Variants in GAREM1 observed in about 807,000 individuals in gnomAD.
The protein encoded by GAREM1 is GRB2 associated regulator of MAPK1 subtype 1.
A neutral mutation model predicts 71.3 loss-of-function variants in GAREM1; 26 were observed. The observed-to-expected ratio is 0.36, with a 90% CI of 0.27 to 0.51. GAREM1 has a LOEUF of 0.51. GAREM1 is among the 20% of genes least tolerant of loss of function. GAREM1 has a pLI of 0.95. For missense variants in GAREM1, 1,026 were observed against 1,103.1 expected (o/e 0.93, Z 0.99); for synonymous variants, 440 against 433.2 (o/e 1.02, Z -0.20).
intron 2 of GAREM1, among the ~76,000 whole-genome samples, chr18:32,346,926 G>C (rs527433759): frequency 3.3e-5 from 5 of 152,048 alleles, no homozygotes; most frequent in Non-Finnish European, 7.4e-5. Context: ...AGAGGAGAGA[G>C]GAGACGCTGT....
chr18:32,464,092 A>C (rs984693532), intron 1 of GAREM1, among the ~76,000 whole-genome samples: 1 of 151,694 alleles, frequency 6.6e-6, no homozygotes, highest in African/African-American at 2.4e-5. Flanking sequence ...GGAGTTCAAG[A>C]CCAACCTGGC....
chr18:32,377,014 CTA>C (rs1413801978), intron 2 of GAREM1, among the ~76,000 whole-genome samples: 2 of 152,118 alleles, frequency 1.3e-5, no homozygotes, highest in African/African-American at 4.8e-5. Context: ...TGACAGATAT[CTA>C]TGAGATAAGT....
chr18:32,397,467 G>T (rs1187731543), intron 1 of GAREM1, among the ~76,000 whole-genome samples: 3 of 152,082 alleles, frequency 2.0e-5, no homozygotes, highest in Non-Finnish European at 4.4e-5. Context: ...GATCTACCAA[G>T]CAAATGGAAA....
At chr18:32,461,531 T>TA (rs1436395250) in intron 1 of GAREM1, among the ~76,000 whole-genome samples, 1 of 151,756 alleles carries the variant, frequency 6.6e-6, no homozygotes, top group African/African-American at 2.4e-5. Flanking sequence ...CCCATTTCCA[T>TA]AAAAAATACA....
intron 1 of GAREM1, among the ~76,000 whole-genome samples, chr18:32,460,067 A>G (rs1357848394): frequency 6.6e-6 from 1 of 150,924 alleles, no homozygotes; most frequent in East Asian, 1.9e-4. Flanking sequence ...GCAAATTTTC[A>G]TTTCTAACAT....
At chr18:32,442,748 G>A (rs2048750863) in intron 1 of GAREM1, among the ~76,000 whole-genome samples, 1 of 152,216 alleles carries the variant, frequency 6.6e-6, no homozygotes, top group East Asian at 1.9e-4. Flanking sequence ...CAGATAAGAG[G>A]CTGATGGGAA....
intron 4 of GAREM1, among the ~76,000 whole-genome samples, chr18:32,274,700 C>T (rs2041514190): frequency 6.6e-6 from 1 of 152,124 alleles, no homozygotes; most frequent in South Asian, 2.1e-4. Flanking sequence ...GCTTTCCTGC[C>T]CCTTTCTCTG....
chr18:32,455,650 C>T (rs986561662), intron 1 of GAREM1, among the ~76,000 whole-genome samples: 37 of 152,218 alleles, frequency 2.4e-4, no homozygotes, highest in African/African-American at 8.9e-4. Context: ...CAGAGACTCA[C>T]CAGGGTACAT....
intron 3 of GAREM1, among the ~76,000 whole-genome samples, 189 bp downstream of exon 3, chr18:32,310,004 G>A (rs953495506): frequency 1.3e-5 from 2 of 152,152 alleles, no homozygotes; most frequent in African/African-American, 2.4e-5. Flanking sequence ...AAAAGATAAT[G>A]CTAATAAATA....
At chr18:32,412,476 C>A in intron 1 of GAREM1, 1 of 1,593,634 alleles carries the variant, frequency 6.3e-7, no homozygotes, top group Non-Finnish European at 8.5e-7. Context: ...ATATCTACCA[C>A]CAGCACGGCT....
chr18:32,281,458 C>T (rs1275558267), intron 4 of GAREM1, among the ~76,000 whole-genome samples: 3 of 152,126 alleles, frequency 2.0e-5, no homozygotes, highest in East Asian at 1.9e-4. Flanking sequence ...ACAATGAATG[C>T]GTGTTACCAA....
chr18:32,349,864 G>A (rs1265645588), intron 2 of GAREM1, among the ~76,000 whole-genome samples: 2 of 152,196 alleles, frequency 1.3e-5, no homozygotes, highest in Admixed American at 6.5e-5. Context: ...ATCCAATCCT[G>A]AAACTTCAGT....
rs1461112738 is a variant in GAREM1 at position 32,264,487 on chromosome 18, T to C, written c.*3384A>G. ...TTCTCAGGGAGCTGTATGGATAACA[T>C]GCAGGTGGCTGTGGAATGTGAGCAG... On this transcript the variant is annotated 3_prime_UTR_variant, in exon 6 of 6. Transcript: ENST00000269209. 5 of 152,196 alleles carry C rather than the reference T, an allele frequency of 3.3e-5. No homozygotes were observed. In the East Asian group the frequency reaches 9.6e-4, roughly 29 times the overall value. The allele number at this position is 152,196 out of a possible 1,614,324, so 9.4% of individuals were successfully genotyped here.
chr18:32,364,016 ATATATATATATGTT>A lies in GAREM1; in HGVS notation c.262+28865_262+28878del, dbSNP rs1374214103. 9.4e-4 allele frequency among the ~76,000 whole-genome samples: 46 copies of A among 49,092 alleles called. 1 individual carries two copies. The highest frequency in any genetic ancestry group is 4.3e-3 in the African/African-American group (35 of 8,120). 32.2% of individuals were successfully genotyped at this position (49,092 alleles called of 152,430 possible). On this transcript the variant is annotated intron_variant, in intron 2 of 5. Coordinates refer to ENST00000269209, the MANE Select transcript of GAREM1 (RefSeq NM_001242409.2). ...TATACATATATATATATATATATAT[ATATATATATATGTT>A]TTTTTTTTTTTTTTTTTTTTGTGAG...
At chr18:32,268,864 C>A in intron 5 of GAREM1, 96 bp from the exon 6 acceptor site, 1 of 1,012,536 alleles carries the variant, frequency 9.9e-7, no homozygotes, top group Non-Finnish European at 1.4e-6. Context: ...AGTAGAAAAG[C>A]GCAGTTAGTT....
intron 3 of GAREM1, among the ~76,000 whole-genome samples, chr18:32,298,181 CAT>C (rs1196906576): frequency 6.6e-6 from 1 of 152,158 alleles, no homozygotes; most frequent in African/African-American, 2.4e-5. Context: ...AAATGTGTAA[CAT>C]ATGTGAGCAC....
intron 2 of GAREM1, among the ~76,000 whole-genome samples, chr18:32,343,121 C>T (rs564347563): frequency 6.6e-6 from 1 of 152,278 alleles, no homozygotes; most frequent in African/African-American, 2.4e-5. Flanking sequence ...AAACTTTAAA[C>T]AATTACTGTT....
chr18:32,377,141 A>G (rs370833174), intron 2 of GAREM1, among the ~76,000 whole-genome samples: 1 of 152,170 alleles, frequency 6.6e-6, no homozygotes, highest in Non-Finnish European at 1.5e-5. Context: ...TCCTCTTTAC[A>G]CTGTCATTTT....
intron 4 of GAREM1, among the ~76,000 whole-genome samples, chr18:32,286,366 C>T (rs1337729702): frequency 7.1e-6 from 1 of 141,370 alleles, no homozygotes; most frequent in Non-Finnish European, 1.6e-5. Context: ...GTGTATAATA[C>T]ATTAGCACAT....
Sources: allele counts gnomAD v4.1 joint callset (sites outside exome capture counted in the v4.1 genomes callset), GRCh38; gene constraint gnomAD v4.1.1; transcripts MANE v1.5; gene names NCBI Gene and HGNC (gene_info 2026-07-23, HGNC 2026-07-21).